The following ZNF578 variants were observed in gnomAD, a reference collection of about 807,000 sequenced individuals.
ZNF578 encodes the protein Putative chemokine-related protein B42.
Under a neutral mutation model 8.3 loss-of-function variants are expected in ZNF578, and 8 were observed. The ratio of observed to expected loss-of-function variants is 0.96; its 90% CI spans 0.56 to 1.74. The LOEUF (loss-of-function observed/expected upper bound fraction) is 1.74, where lower values mean the gene tolerates loss of function less well. Among genes scored for constraint, ZNF578 ranks in the 40% most tolerant of loss-of-function variants. The pLI is 0.00. For missense variants in ZNF578, 726 were observed against 707.5 expected (o/e 1.03, Z -0.30); for synonymous variants, 206 against 232.2 (o/e 0.89, Z 1.03).
rs200485371 is a variant in ZNF578, at chr19:52,478,893, T to C, written c.-121-12431T>C. 5.9e-5 allele frequency among the ~76,000 whole-genome samples: 9 copies of C among 151,962 alleles called. No individual in the cohort carries two copies. The East Asian group carries it at 1.6e-3, about 27-fold the overall frequency. On this transcript the variant is annotated intron_variant, in intron 2 of 5. Coordinates refer to ENST00000421239, the MANE Select transcript of ZNF578 (RefSeq NM_001099694.2). The stretch of plus-strand genomic sequence containing the variant: ...CAGTCAAGGCTAATTTTTGTATTTT[T>C]AGTAGAGACAGGGCTTCACCATATT...
At chr19:52,485,176 C>T (rs1315328427) in intron 2 of ZNF578, among the ~76,000 whole-genome samples, 3 of 152,006 alleles carry the variant, frequency 2.0e-5, no homozygotes, top group Non-Finnish European at 4.4e-5. Flanking sequence ...CACACCACCT[C>T]TGGTCTATCT....
intron 1 of ZNF578, chr19:52,454,965 A>G (rs1405353697): frequency 6.6e-6 from 1 of 152,136 alleles, no homozygotes; most frequent in Non-Finnish European, 1.5e-5. Context: ...AAGGGAAGAT[A>G]TTTGTAACAG....
intron 2 of ZNF578, chr19:52,474,644 GT>G: frequency 3.1e-6 from 1 of 323,422 alleles, no homozygotes. Flanking sequence ...CATTTGTAAG[GT>G]TTCTCTCCAG....
chr19:52,485,671 C>G (rs1437653355), intron 2 of ZNF578, among the ~76,000 whole-genome samples: 1 of 152,180 alleles, frequency 6.6e-6, no homozygotes, highest in Non-Finnish European at 1.5e-5. Flanking sequence ...AACCATACCC[C>G]CAACCCTGTG....
Position 52,501,811 on chromosome 19 carries a change from T to C in ZNF578, c.-19-16T>C, listed in dbSNP as rs753633489. ...GTCATATCTAACCTGAAGTCTTATTTTTCTTCCACATACAGGATTGATTTC... is the reference window on the plus strand; with the variant it reads ...GTCATATCTAACCTGAAGTCTTATTCTTCTTCCACATACAGGATTGATTTC... On this transcript the variant is annotated splice_polypyrimidine_tract_variant and intron_variant, in intron 3 of 5. Transcript: ENST00000421239. 8.1e-6 allele frequency: 13 copies of C among 1,609,686 alleles called. No individual in the cohort carries two copies. Among genetic ancestry groups the C allele is most frequent in the Non-Finnish European group, 1.1e-5 (13 of 1,178,532 alleles).
chr19:52,466,809 C>T (rs2122783556), intron 2 of ZNF578, among the ~76,000 whole-genome samples: 1 of 152,310 alleles, frequency 6.6e-6, no homozygotes, highest in African/African-American at 2.4e-5. Context: ...GAAATTATCT[C>T]TACAGTAGTT....
Position 52,516,007 on chromosome 19 carries a change from C to T in ZNF578, c.*3853C>T, listed in dbSNP as rs954492466. The stretch of plus-strand genomic sequence containing the variant: ...CTCCACAGCCCCGTGTGCAGGGCCC[C>T]TGCCAGTGTCCAGCCTCCTCCTGGC... On this transcript the variant is annotated 3_prime_UTR_variant, in exon 6 of 6. Transcript: ENST00000421239. Among the ~76,000 whole-genome samples, 1 of 152,122 alleles carries T rather than the reference C, an allele frequency of 6.6e-6. No homozygotes were observed. Among genetic ancestry groups the T allele is most frequent in the Non-Finnish European group, 1.5e-5 (1 of 68,032 alleles).
chr19:52,460,755 C>T (rs1381951074), intron 2 of ZNF578, among the ~76,000 whole-genome samples: 1 of 152,074 alleles, frequency 6.6e-6, no homozygotes, highest in Non-Finnish European at 1.5e-5. Flanking sequence ...TAGTTTGTTA[C>T]GTGTATTAAT....
chr19:52,508,964 C>A (rs570633817), intron 5 of ZNF578, among the ~76,000 whole-genome samples: 1 of 135,678 alleles, frequency 7.4e-6, no homozygotes, highest in Non-Finnish European at 1.5e-5. Flanking sequence ...TGCAATGGCA[C>A]GATCTCGGCT....
chr19:52,495,552 A>G (rs447115), intron 3 of ZNF578, among the ~76,000 whole-genome samples: 30,428 of 148,940 alleles, frequency 0.2, 3,352 homozygotes, highest in Non-Finnish European at 0.24. Context: ...GAGAAAGTGA[A>G]AAAGGGCTAT....
intron 2 of ZNF578, among the ~76,000 whole-genome samples, chr19:52,485,507 C>G (rs957477626): frequency 6.6e-6 from 1 of 152,166 alleles, no homozygotes; most frequent in African/African-American, 2.4e-5. Context: ...TGAGCTCAGC[C>G]TGTGATCCAC....
intron 2 of ZNF578, among the ~76,000 whole-genome samples, chr19:52,487,681 A>T (rs1323927971): frequency 2.6e-5 from 4 of 152,120 alleles, no homozygotes; most frequent in Non-Finnish European, 4.4e-5. Flanking sequence ...CCCAGGCTGG[A>T]GTGCAGTGCG....
chr19:52,467,276 G>A (rs1317059532), intron 2 of ZNF578, among the ~76,000 whole-genome samples: 2 of 152,140 alleles, frequency 1.3e-5, no homozygotes, highest in African/African-American at 4.8e-5. Flanking sequence ...CTCCCAAAAT[G>A]CTGACTGTGA....
At chr19:52,509,092 T>C (rs1401081312) in intron 5 of ZNF578, among the ~76,000 whole-genome samples, 37 of 151,908 alleles carry the variant, frequency 2.4e-4, no homozygotes, top group Non-Finnish European at 1.8e-4. Flanking sequence ...TTAGTAGAGA[T>C]GCAGTTTCCC....
At chr19:52,475,890 A>G (rs921627721) in intron 2 of ZNF578, among the ~76,000 whole-genome samples, 1 of 152,196 alleles carries the variant, frequency 6.6e-6, no homozygotes, top group Non-Finnish European at 1.5e-5. Flanking sequence ...AGGAGCGACC[A>G]AAAGAATGTC....
intron 2 of ZNF578, among the ~76,000 whole-genome samples, chr19:52,479,131 TC>T: frequency 6.7e-6 from 1 of 149,006 alleles, no homozygotes; most frequent in African/African-American, 2.5e-5. Flanking sequence ...TTAGTTAATG[TC>T]TGACAACTAA....
rs982077101 is a variant in ZNF578 at position 52,516,541 on chromosome 19, A to G, written c.*4387A>G. ...ATCGTATCCCCTGTCACCTGCACGT[A>G]TACATCCAGATGGCCTGAAGCAACT... On this transcript the variant is annotated 3_prime_UTR_variant, in exon 6 of 6. Coordinates refer to ENST00000421239, the MANE Select transcript of ZNF578 (RefSeq NM_001099694.2). 6.6e-6 allele frequency among the ~76,000 whole-genome samples: 1 copy of G among 152,244 alleles called. No individual in the cohort carries two copies. Among genetic ancestry groups the G allele is most frequent in the African/African-American group, 2.4e-5 (1 of 41,466 alleles).
chr19:52,482,513 C>T (rs186469964), intron 2 of ZNF578, among the ~76,000 whole-genome samples: 1 of 152,260 alleles, frequency 6.6e-6, no homozygotes, highest in Non-Finnish European at 1.5e-5. Context: ...TGGCAGACGC[C>T]TGTAATCCCA....
intron 2 of ZNF578, among the ~76,000 whole-genome samples, chr19:52,460,825 T>G (rs8110920): frequency 0.89 from 134,856 of 152,070 alleles, 60,558 homozygotes; most frequent in Non-Finnish European, 0.96. Context: ...ATGATGGCAT[T>G]GTTTTTGTTC....
Sources: gnomAD v4.1 joint callset for allele counts (sites outside exome capture counted in the v4.1 genomes callset) on GRCh38, gnomAD v4.1.1 for gene constraint, MANE v1.5 for transcripts, NCBI Gene and HGNC (gene_info 2026-07-23, HGNC 2026-07-21) for gene names.